The following DGKG variants were observed in gnomAD, a reference collection of about 807,000 sequenced individuals.
The protein encoded by DGKG is DAG kinase gamma.
In DGKG, 78 loss-of-function variants were observed where a neutral mutation model predicts 105.3. The ratio of observed to expected loss-of-function variants is 0.74; its 90% CI spans 0.62 to 0.89. The LOEUF is 0.89. Among genes scored for constraint, DGKG ranks in the 40% least tolerant of loss-of-function variants. DGKG has a pLI of 0.00. For missense variants in DGKG, 958 were observed against 1,020.1 expected, an observed-to-expected ratio of 0.94 and a Z score of 0.83; for synonymous variants, 346 against 367.1, an observed-to-expected ratio of 0.94 and a Z score of 0.66.
At position 186,311,347 on chromosome 3, in the gene DGKG, G is replaced by T. The variant is rs116826219; in HGVS notation, c.68-4370C>A. On this transcript the variant is annotated intron_variant, in intron 2 of 24. Transcript: ENST00000265022. ...GCTTATAACTTCTAAATTTAAAATT[G>T]CTGTGCTTGGCAGACATTATCCATT... 8.5e-3 allele frequency among the ~76,000 whole-genome samples: 1,293 copies of T among 152,214 alleles called. 18 individuals carry two copies. The highest frequency in any genetic ancestry group is 0.03 in the African/African-American group (1,224 of 41,490).
intron 11 of DGKG, among the ~76,000 whole-genome samples, 196 bp from the exon 12 acceptor site, chr3:186,269,113 C>T (rs1025422119): frequency 5.9e-5 from 9 of 152,216 alleles, no homozygotes; most frequent in African/African-American, 2.2e-4. Context: ...CGCCATTATG[C>T]GAATCAAAGT....
rs1715651824 is a variant in DGKG at position 186,149,427 on chromosome 3, G to T, written c.*663C>A. 3 of 985,346 alleles carry T rather than the reference G, an allele frequency of 3.0e-6. No homozygotes were observed. The highest frequency in any genetic ancestry group is 6.1e-5 in the Admixed American group (1 of 16,274). 61.0% of individuals were successfully genotyped at this position (985,346 alleles called of 1,614,324 possible). A position where few individuals can be genotyped will look rare whatever the true frequency, so the allele number is the denominator to read the frequency against. On this transcript the variant is annotated 3_prime_UTR_variant, in exon 25 of 25. Transcript: ENST00000265022. ...GCAAACATGTAGACACCAGGAGAAG[G>T]TTCCTGGAAAATAACAAGTGCCCAC...
intron 20 of DGKG, among the ~76,000 whole-genome samples, chr3:186,227,164 C>T (rs936091539): frequency 2.0e-5 from 3 of 152,268 alleles, no homozygotes; most frequent in Non-Finnish European, 4.4e-5. Flanking sequence ...CTATTACAGA[C>T]AGGAATCATG....
At chr3:186,299,836 T>TC (rs1560142086) in intron 3 of DGKG, among the ~76,000 whole-genome samples, 25 of 115,720 alleles carry the variant, frequency 2.2e-4, no homozygotes, top group African/African-American at 7.7e-4. Context: ...TTTCTTTCTT[T>TC]CTTTTTTTTT....
At chr3:186,238,292 TAAAAAAAAA>T (rs5855085) in intron 20 of DGKG, among the ~76,000 whole-genome samples, 1 of 81,268 alleles carries the variant, frequency 1.2e-5, no homozygotes, top group African/African-American at 5.3e-5. Flanking sequence ...TGACTCTTTC[TAAAAAAAAA>T]AAAAAAAAAA....
rs148805069 is a variant in DGKG at position 186,221,408 on chromosome 3, T to A, written c.1827-9523A>T. On this transcript the variant is annotated intron_variant, in intron 20 of 24. Transcript: ENST00000265022. ...GCTTCTTAGCAATCCTTTCTCCCTT[T>A]GAAGAGTTATTCGTGGAAAGAAAAT... is the stretch of plus-strand genomic sequence containing the variant. 2.4e-3 allele frequency among the ~76,000 whole-genome samples: 360 copies of A among 152,364 alleles called. 7 individuals are homozygous for A. Among genetic ancestry groups the A allele is most frequent in the African/African-American group, 8.2e-3 (342 of 41,586 alleles).
At chr3:186,325,848 G>T (rs925524245) in intron 1 of DGKG, among the ~76,000 whole-genome samples, 1 of 152,134 alleles carries the variant, frequency 6.6e-6, no homozygotes, top group South Asian at 2.1e-4. Context: ...ATCAGTGGAA[G>T]CTCAGTCAAG....
chr3:186,277,987 G>A (rs573889988), intron 9 of DGKG, among the ~76,000 whole-genome samples: 2 of 152,234 alleles, frequency 1.3e-5, no homozygotes, highest in African/African-American at 4.8e-5. Flanking sequence ...TTAAAAATAA[G>A]TGCATAAAAC....
intron 5 of DGKG, among the ~76,000 whole-genome samples, chr3:186,292,841 T>A (rs941908738): frequency 6.6e-6 from 1 of 151,878 alleles, no homozygotes; most frequent in African/African-American, 2.4e-5. Context: ...TCCCAGATTA[T>A]CTATACAATA....
At chr3:186,150,349 G>C (rs1250708173) in intron 24 of DGKG, among the ~76,000 whole-genome samples, 161 bp from the exon 25 acceptor site, 1 of 152,156 alleles carries the variant, frequency 6.6e-6, no homozygotes, top group East Asian at 1.9e-4. Flanking sequence ...ACTTGACCCT[G>C]ACTGGGCCTG....
In DGKG at chr3:186,267,677, G is replaced by A. The variant is rs1327825597; in HGVS notation, c.1209+8C>T. On this transcript the variant is annotated splice_region_variant and intron_variant, in intron 13 of 24. Transcript: ENST00000265022. ...AGCTACAGCCCTCGCCGGGGCAGGA[G>A]CACTTACCCGGGTGATGGGGCATAT... is the stretch of plus-strand genomic sequence containing the variant. 6.2e-7 allele frequency: 1 copy of A among 1,612,346 alleles called. No individual in the cohort carries two copies. The highest frequency in any genetic ancestry group is 8.5e-7 in the Non-Finnish European group (1 of 1,178,376).
chr3:186,280,122 G>T, intron 8 of DGKG, 149 bp from the exon 9 acceptor site: 1 of 1,044,424 alleles, frequency 9.6e-7, no homozygotes, highest in Non-Finnish European at 1.4e-6. Flanking sequence ...CAGACTGGGA[G>T]TGAGGAGGCC....
chr3:186,327,870 C>T (rs932446552), intron 1 of DGKG, among the ~76,000 whole-genome samples: 3 of 152,108 alleles, frequency 2.0e-5, no homozygotes, highest in Non-Finnish European at 4.4e-5. Context: ...CCTTAAAATC[C>T]TTCAGAAGCC....
chr3:186,351,206 C>A lies in DGKG; in HGVS notation c.-249+10740G>T, dbSNP rs560533222. ...TCTTTATTATGGAATGTTTTCAGAACGTCTGACATGTGGATTATATTGGTG... is the reference window on the plus strand; with the variant it reads ...TCTTTATTATGGAATGTTTTCAGAAAGTCTGACATGTGGATTATATTGGTG... On this transcript the variant is annotated intron_variant, in intron 1 of 24. Coordinates refer to ENST00000265022, the MANE Select transcript of DGKG (RefSeq NM_001346.3). 1.6e-4 allele frequency among the ~76,000 whole-genome samples: 25 copies of A among 152,280 alleles called. 1 individual carries two copies. Among genetic ancestry groups the A allele is most frequent in the Non-Finnish European group, 1.6e-4 (11 of 68,032 alleles).
chr3:186,161,819 T>C (rs1716304073), intron 23 of DGKG, among the ~76,000 whole-genome samples, 156 bp from the exon 24 acceptor site: 1 of 152,222 alleles, frequency 6.6e-6, no homozygotes, highest in Non-Finnish European at 1.5e-5. Context: ...AATAGATTTC[T>C]GAGACCACCT....
At chr3:186,330,971 A>G (rs1018225020) in intron 1 of DGKG, among the ~76,000 whole-genome samples, 3 of 152,242 alleles carry the variant, frequency 2.0e-5, no homozygotes, top group Admixed American at 1.3e-4. Context: ...CAGGTTATGC[A>G]TGTGTCTATT....
At chr3:186,345,765 T>G (rs1003456322) in intron 1 of DGKG, among the ~76,000 whole-genome samples, 4 of 152,158 alleles carry the variant, frequency 2.6e-5, no homozygotes, top group African/African-American at 9.7e-5. Flanking sequence ...CTTTTGCATA[T>G]AGTTTTGTTT....
At chr3:186,281,882 T>C (rs1722845025) in intron 7 of DGKG, among the ~76,000 whole-genome samples, 1 of 152,210 alleles carries the variant, frequency 6.6e-6, no homozygotes, top group South Asian at 2.1e-4. Flanking sequence ...GAGGTCTTCC[T>C]GGTCAGGCCA....
intron 22 of DGKG, among the ~76,000 whole-genome samples, chr3:186,185,414 C>T (rs1432311071): frequency 6.6e-6 from 1 of 152,170 alleles, no homozygotes; most frequent in Non-Finnish European, 1.5e-5. Flanking sequence ...AAGCAATCAG[C>T]AGACACTTTG....
Sources: allele counts gnomAD v4.1 joint callset (sites outside exome capture counted in the v4.1 genomes callset), GRCh38; gene constraint gnomAD v4.1.1; transcripts MANE v1.5; gene names NCBI Gene and HGNC (gene_info 2026-07-23, HGNC 2026-07-21).